TPD52: variants seen among roughly 807,000 people sequenced by gnomAD.
TPD52 encodes the protein tumor protein D52, also known as prostate and colon associated protein.
Under a neutral mutation model 31.3 loss-of-function variants are expected in TPD52, and 17 were observed. The ratio of observed to expected loss-of-function variants is 0.54; its 90% CI spans 0.37 to 0.82. The LOEUF (loss-of-function observed/expected upper bound fraction) is 0.82. Among genes scored for constraint, TPD52 ranks in the 40% least tolerant of loss-of-function variants. The pLI is 0.00. For synonymous variants in TPD52, 83 were observed against 89.6 expected, an observed-to-expected ratio of 0.93 and a Z score of 0.42; for missense variants, 212 against 240.1, an observed-to-expected ratio of 0.88 and a Z score of 0.77.
Position 80,140,950 on chromosome 8 carries a change from CGTGTGTGT to C in TPD52, c.19+30467_19+30474del, listed in dbSNP as rs142097159. ...GAGCATTTTCAGGGGCAATACAACTCGTGTGTGTGTGTGTGTGTGTGTGTGTGTGTGTG... is the reference window on the plus strand; with the variant it reads ...GAGCATTTTCAGGGGCAATACAACTCGTGTGTGTGTGTGTGTGTGTGTGTG... On this transcript the variant is annotated intron_variant, in intron 1 of 7. Transcript: ENST00000518937. Among the ~76,000 whole-genome samples the C allele has an allele frequency of 6.7e-4, 97 of 143,774 alleles. 1 individual carries two copies. The highest frequency in any genetic ancestry group is 3.6e-3 in the Middle Eastern group (1 of 278). The allele number at this position is 143,774 out of a possible 152,430, so 94.3% of individuals were successfully genotyped here. A position where few individuals can be genotyped will look rare whatever the true frequency, so the allele number is the denominator to read the frequency against.
At chr8:80,060,645 T>A (rs1039591179) in intron 2 of TPD52, among the ~76,000 whole-genome samples, 3 of 151,878 alleles carry the variant, frequency 2.0e-5, no homozygotes, top group Admixed American at 2.0e-4. Flanking sequence ...ATCCTAGGAA[T>A]GCAAGGATGA....
At chr8:80,169,007 TAG>T (rs1027696791) in intron 1 of TPD52, among the ~76,000 whole-genome samples, 1 of 152,176 alleles carries the variant, frequency 6.6e-6, no homozygotes, top group Non-Finnish European at 1.5e-5. Context: ...TTTTTTGAGA[TAG>T]AGTCTCGCTC....
At chr8:80,117,855 C>G (rs1159372303) in intron 1 of TPD52, among the ~76,000 whole-genome samples, 2 of 151,442 alleles carry the variant, frequency 1.3e-5, no homozygotes, top group African/African-American at 2.4e-5. Flanking sequence ...GCCTCAGCCT[C>G]CCGAGTAGCT....
chr8:80,069,840 T>TGC (rs1813574128), intron 1 of TPD52, among the ~76,000 whole-genome samples: 1 of 152,138 alleles, frequency 6.6e-6, no homozygotes, highest in South Asian at 2.1e-4. Flanking sequence ...AATGTGTGTG[T>TGC]GCGAGTGTGG....
At chr8:80,050,341 T>G (rs1811237150) in intron 5 of TPD52, 104 bp downstream of exon 5, 5 of 1,127,744 alleles carry the variant, frequency 4.4e-6, no homozygotes, top group Middle Eastern at 2.0e-4. Context: ...AAGAAAATTA[T>G]GTACTGGACA....
intron 1 of TPD52, among the ~76,000 whole-genome samples, chr8:80,070,276 T>C (rs959449076): frequency 6.6e-6 from 1 of 152,102 alleles, no homozygotes; most frequent in African/African-American, 2.4e-5. Context: ...TTATTCCAAT[T>C]ATGACCAAGT....
At chr8:80,130,072 A>G (rs1287140603) in intron 1 of TPD52, among the ~76,000 whole-genome samples, 2 of 152,214 alleles carry the variant, frequency 1.3e-5, no homozygotes, top group Admixed American at 6.5e-5. Flanking sequence ...CTGAAGAAGG[A>G]AAGTGACAAG....
intron 1 of TPD52, among the ~76,000 whole-genome samples, chr8:80,138,695 C>T (rs1809612115): frequency 6.6e-6 from 1 of 152,132 alleles, no homozygotes; most frequent in South Asian, 2.1e-4. Context: ...TACCATCTTG[C>T]CTCAGCTCAT....
intron 1 of TPD52, among the ~76,000 whole-genome samples, chr8:80,086,901 A>G (rs1815840127): frequency 6.7e-6 from 1 of 148,862 alleles, no homozygotes; most frequent in Non-Finnish European, 1.5e-5. Flanking sequence ...AAAAAAAAAA[A>G]AAAAAAAATC....
chr8:80,170,932 A>G (rs1462314055), intron 1 of TPD52: 1 of 337,028 alleles, frequency 3.0e-6, no homozygotes, highest in East Asian at 8.9e-5. Flanking sequence ...CAAACCCCCC[A>G]TGGGTCATAC....
chr8:80,086,699 C>T (rs1563615450), intron 1 of TPD52, among the ~76,000 whole-genome samples: 3 of 151,494 alleles, frequency 2.0e-5, no homozygotes, highest in African/African-American at 7.3e-5. Context: ...TATGGTGAAT[C>T]CCCGTCTCTA....
intron 2 of TPD52, among the ~76,000 whole-genome samples, chr8:80,058,837 T>C (rs901011773): frequency 3.3e-5 from 5 of 152,078 alleles, no homozygotes; most frequent in African/African-American, 1.2e-4. Flanking sequence ...ACCACACAAA[T>C]GGTTTATCAC....
intron 1 of TPD52, among the ~76,000 whole-genome samples, chr8:80,121,615 T>C (rs903956690): frequency 6.6e-6 from 1 of 152,158 alleles, no homozygotes; most frequent in Non-Finnish European, 1.5e-5. Flanking sequence ...CTAATATAAT[T>C]ACCTCCCACT....
chr8:80,119,988 C>A, intron 1 of TPD52: 1 of 242,088 alleles, frequency 4.1e-6, no homozygotes, highest in Non-Finnish European at 8.4e-6. Context: ...ATAAAAAACT[C>A]AAAAGTTACT....
At chr8:80,109,961 T>C (rs1395934589) in intron 1 of TPD52, among the ~76,000 whole-genome samples, 2 of 152,176 alleles carry the variant, frequency 1.3e-5, no homozygotes, top group Non-Finnish European at 2.9e-5. Context: ...GTATACCTGA[T>C]ACAAGTTCAG....
chr8:80,171,100 C>A, intron 1 of TPD52: 1 of 647,106 alleles, frequency 1.5e-6, no homozygotes, highest in South Asian at 1.6e-5. Flanking sequence ...GTGCTCCCTT[C>A]ACGCGGCTTT....
At chr8:80,110,874 G>T (rs1207495328) in intron 1 of TPD52, among the ~76,000 whole-genome samples, 2 of 152,146 alleles carry the variant, frequency 1.3e-5, no homozygotes, top group Non-Finnish European at 2.9e-5. Flanking sequence ...ACACTCCCTT[G>T]TGGTCTGCTG....
At chr8:80,096,988 A>G (rs1816791910) in intron 1 of TPD52, among the ~76,000 whole-genome samples, 1 of 152,232 alleles carries the variant, frequency 6.6e-6, no homozygotes, top group Non-Finnish European at 1.5e-5. Flanking sequence ...GACCGCCTGC[A>G]CCTGCCAGGT....
intron 1 of TPD52, among the ~76,000 whole-genome samples, chr8:80,119,310 T>C (rs181731073): frequency 1.3e-5 from 2 of 152,268 alleles, no homozygotes; most frequent in Admixed American, 1.3e-4. Context: ...GTAAGGAGTA[T>C]CCTTTTGGGT....
Sources: gnomAD v4.1 joint callset for allele counts (sites outside exome capture counted in the v4.1 genomes callset) on GRCh38, gnomAD v4.1.1 for gene constraint, MANE v1.5 for transcripts, NCBI Gene and HGNC (gene_info 2026-07-23, HGNC 2026-07-21) for gene names.